KCTD1: variants seen among roughly 807,000 people sequenced by gnomAD.
KCTD1 encodes the protein BTB/POZ domain-containing protein KCTD1.
Under a neutral mutation model 66.0 loss-of-function variants are expected in KCTD1, and 24 were observed. The ratio of observed to expected loss-of-function variants is 0.36; its 90% CI spans 0.26 to 0.51. KCTD1 has a LOEUF of 0.51. Among genes scored for constraint, KCTD1 ranks in the 20% least tolerant of loss-of-function variants. The pLI is 0.95. For synonymous variants in KCTD1, 511 were observed against 517.2 expected (o/e 0.99, Z 0.16); for missense variants, 943 against 1,205.2 (o/e 0.78, Z 3.22).
chr18:26,478,766 T>A (rs563227271), intron 2 of KCTD1, among the ~76,000 whole-genome samples: 6 of 152,344 alleles, frequency 3.9e-5, no homozygotes, highest in Admixed American at 1.3e-4. Context: ...CCATTTTTTT[T>A]AAAATTAAGT....
intron 1 of KCTD1, among the ~76,000 whole-genome samples, chr18:26,574,198 A>C (rs1986172661): frequency 6.6e-6 from 1 of 152,242 alleles, no homozygotes; most frequent in African/African-American, 2.4e-5. Context: ...CTGCCTAATT[A>C]GCTGAAAACC....
upstream of KCTD1, among the ~76,000 whole-genome samples, chr18:26,643,691 G>A (rs139235318): frequency 6.1e-3 from 921 of 152,218 alleles, 4 homozygotes; most frequent in South Asian, 8.1e-3. Flanking sequence ...GGCCGGGTGC[G>A]GTGGCTCACG....
intron 1 of KCTD1, among the ~76,000 whole-genome samples, chr18:26,569,501 C>T (rs1044852257): frequency 3.9e-5 from 6 of 152,026 alleles, no homozygotes; most frequent in Non-Finnish European, 8.8e-5. Context: ...GCCTTTCTCC[C>T]GCCCCCGACA....
rs1349009176 is a variant in KCTD1 at position 26,555,990 on chromosome 18, G to T, written c.-15-54740C>A. 2.0e-5 allele frequency among the ~76,000 whole-genome samples: 3 copies of T among 152,042 alleles called. No homozygotes were observed. The South Asian group carries it at 6.2e-4, about 32-fold the overall frequency. The stretch of plus-strand genomic sequence containing the variant: ...ATTCACAGGATGTGTGGAGGAGTGG[G>T]TATGTACCTGCCCCGTGGCTGTGTT... On this transcript the variant is annotated intron_variant, in intron 1 of 4. Coordinates refer to the KCTD1 transcript ENST00000317932.
intron 1 of KCTD1, among the ~76,000 whole-genome samples, chr18:26,563,225 T>C (rs931788935): frequency 6.6e-6 from 1 of 151,918 alleles, no homozygotes; most frequent in African/African-American, 2.4e-5. Context: ...CACAGGAGAG[T>C]GGGCAGCCTG....
intron 1 of KCTD1, among the ~76,000 whole-genome samples, chr18:26,505,635 C>A (rs1010592908): frequency 4.6e-5 from 7 of 152,336 alleles, no homozygotes; most frequent in Middle Eastern, 6.8e-3. Flanking sequence ...TAGCTCACTA[C>A]AGCCTTGAGT....
At chr18:26,485,637 AT>A (rs938255797) in intron 2 of KCTD1, among the ~76,000 whole-genome samples, 55 of 151,928 alleles carry the variant, frequency 3.6e-4, no homozygotes, top group African/African-American at 1.3e-3. Flanking sequence ...CCAATTTAGT[AT>A]TTTTTTCAGC....
chr18:26,653,128 A>G (rs1041503434), intron 1 of KCTD1, among the ~76,000 whole-genome samples: 3 of 152,196 alleles, frequency 2.0e-5, no homozygotes, highest in African/African-American at 7.2e-5. Context: ...CCAGAGTGCC[A>G]GCAGAGTTAT....
intron 1 of KCTD1, among the ~76,000 whole-genome samples, chr18:26,505,974 C>G (rs1431015769): frequency 2.0e-5 from 3 of 152,118 alleles, no homozygotes; most frequent in Non-Finnish European, 4.4e-5. Context: ...TTCCCAGGTT[C>G]AAGCAATTTT....
chr18:26,476,912 A>G lies in KCTD1; in HGVS notation c.1989-253T>C. On this transcript the variant is annotated intron_variant, in intron 2 of 4. Transcript: ENST00000580059. This position sits in a 1 kb window ranked among gnomAD's most constrained non-coding sequence, Gnocchi z 4.9. The stretch of plus-strand genomic sequence containing the variant: ...CACCTGCAAAGAAAATGTTCCTGAC[A>G]TGGTGATTACGGCTAAGTGCTGTCA... 2.4e-6 allele frequency: 1 copy of G among 413,634 alleles called. No homozygotes were observed. The highest frequency in any genetic ancestry group is 4.3e-6 in the Non-Finnish European group (1 of 235,284). 25.6% of individuals were successfully genotyped at this position (413,634 alleles called of 1,614,324 possible).
At chr18:26,631,947 G>A (rs540335593), upstream of KCTD1, among the ~76,000 whole-genome samples, 43 of 152,010 alleles carry the variant, frequency 2.8e-4, no homozygotes, top group East Asian at 7.6e-3. Context: ...CTACTCTGGA[G>A]GCTGAGGCAG....
At chr18:26,651,197 A>G (rs890947302) in intron 1 of KCTD1, among the ~76,000 whole-genome samples, 1 of 152,238 alleles carries the variant, frequency 6.6e-6, no homozygotes, top group Non-Finnish European at 1.5e-5. Context: ...AACAGGAGGA[A>G]TGGAAGCCGG....
At chr18:26,584,853 C>T (rs62085479) in intron 1 of KCTD1, among the ~76,000 whole-genome samples, 7,949 of 152,020 alleles carry the variant, frequency 0.052, 254 homozygotes, top group Admixed American at 0.074. Context: ...AAAAGGGATA[C>T]GAAAGGAAGG....
chr18:26,573,020 A>AC (rs1225433437), intron 1 of KCTD1, among the ~76,000 whole-genome samples: 200 of 139,344 alleles, frequency 1.4e-3, no homozygotes, highest in African/African-American at 2.1e-3. Flanking sequence ...CTCAATAACC[A>AC]CCCCCCCCTT....
intron 1 of KCTD1, among the ~76,000 whole-genome samples, chr18:26,612,041 C>A (rs1263879960): frequency 2.0e-5 from 3 of 152,170 alleles, no homozygotes; most frequent in African/African-American, 7.2e-5. Flanking sequence ...TAGGAACAGG[C>A]ACTATCCTTG....
chr18:26,498,496 G>A (rs1358761516), intron 2 of KCTD1, among the ~76,000 whole-genome samples: 2 of 149,310 alleles, frequency 1.3e-5, no homozygotes, highest in African/African-American at 4.9e-5. Context: ...AAAATCAAAA[G>A]AAACAAGTAA....
At chr18:26,526,867 G>GT (rs1270814437) in intron 1 of KCTD1, among the ~76,000 whole-genome samples, 1 of 146,050 alleles carries the variant, frequency 6.8e-6, no homozygotes, top group African/African-American at 2.5e-5. Context: ...TTACATTTTG[G>GT]GTTTTTTTTT....
intron 1 of KCTD1, among the ~76,000 whole-genome samples, chr18:26,605,074 A>G (rs1986982091): frequency 6.6e-6 from 1 of 152,078 alleles, no homozygotes; most frequent in Admixed American, 6.6e-5. Context: ...TAGGGTAGAG[A>G]AGGAAAAAGA....
intron 1 of KCTD1, among the ~76,000 whole-genome samples, chr18:26,607,061 G>T (rs1002923019): frequency 4.6e-5 from 7 of 152,004 alleles, no homozygotes; most frequent in African/African-American, 1.5e-4. Flanking sequence ...ATGAGACAGG[G>T]TCTTGCTCTG....
Sources: allele counts gnomAD v4.1 joint callset (sites outside exome capture counted in the v4.1 genomes callset), GRCh38; gene constraint gnomAD v4.1.1; non-coding constraint Gnocchi (gnomAD v3.1); transcripts MANE v1.5; gene names NCBI Gene and HGNC (gene_info 2026-07-23, HGNC 2026-07-21).